Variants in NPEPPS observed in about 807,000 individuals in gnomAD.
NPEPPS encodes the protein puromycin-sensitive aminopeptidase.
NPEPPS carries 14 observed loss-of-function variants against 115.5 expected under a neutral mutation model. The observed-to-expected ratio is 0.12, with a 90% confidence interval of 0.08 to 0.19. The LOEUF is 0.19. Among genes scored for constraint, NPEPPS ranks in the 10% least tolerant of loss-of-function variants. The pLI is 1.00. For synonymous variants in NPEPPS, 285 were observed against 390.6 expected (o/e 0.73, Z 3.19); for missense variants, 523 against 1,110.8 (o/e 0.47, Z 7.52).
At chr17:47,548,043 A>G (rs1325614922) in intron 2 of NPEPPS, 9 of 152,082 alleles carry the variant, frequency 5.9e-5, no homozygotes, top group Non-Finnish European at 1.3e-4. Flanking sequence ...TAAATAAATA[A>G]ATAAAATAAA....
At chr17:47,593,210 G>A (rs4060739) in intron 12 of NPEPPS, among the ~76,000 whole-genome samples, 3 of 152,304 alleles carry the variant, frequency 2.0e-5, no homozygotes, top group African/African-American at 2.4e-5. Context: ...ATCAGGACTC[G>A]TTATCCCTTT....
At chr17:47,616,087 T>C (rs1914181887) in intron 19 of NPEPPS, among the ~76,000 whole-genome samples, 1 of 152,182 alleles carries the variant, frequency 6.6e-6, no homozygotes, top group Non-Finnish European at 1.5e-5. Flanking sequence ...ACCTTGAATA[T>C]TGGAGCTGAA....
At chr17:47,601,975 A>C in intron 15 of NPEPPS, 1 of 408,622 alleles carries the variant, frequency 2.4e-6, no homozygotes, top group Non-Finnish European at 4.3e-6. Context: ...GAGGAGAAGA[A>C]AAAAAAAAAA....
chr17:47,559,187 A>G (rs1183188521), intron 2 of NPEPPS, among the ~76,000 whole-genome samples: 1 of 152,064 alleles, frequency 6.6e-6, no homozygotes, highest in East Asian at 1.9e-4. Flanking sequence ...GGAACTACAG[A>G]TATACGCTAC....
chr17:47,535,227 A>G (rs1908126779), intron 1 of NPEPPS, among the ~76,000 whole-genome samples: 1 of 103,830 alleles, frequency 9.6e-6, no homozygotes, highest in African/African-American at 4.0e-5. Context: ...TGGGCAACAG[A>G]GCAAGACTCT....
At chr17:47,544,011 C>T (rs1477436322) in intron 1 of NPEPPS, among the ~76,000 whole-genome samples, 1 of 152,204 alleles carries the variant, frequency 6.6e-6, no homozygotes, top group Non-Finnish European at 1.5e-5. Flanking sequence ...TCTCCTGCCT[C>T]AGCCTCCCGA....
chr17:47,569,794 T>C (rs1911087101), intron 3 of NPEPPS, among the ~76,000 whole-genome samples: 1 of 152,084 alleles, frequency 6.6e-6, no homozygotes, highest in East Asian at 1.9e-4. Flanking sequence ...TTTTTTTGTA[T>C]TTTTAGTAGA....
At chr17:47,561,416 C>T (rs1910421302) in intron 2 of NPEPPS, among the ~76,000 whole-genome samples, 3 of 151,154 alleles carry the variant, frequency 2.0e-5, no homozygotes, top group Admixed American at 2.0e-4. Context: ...TGGTTTTCGT[C>T]CACAGTTTCT....
At chr17:47,541,446 G>A (rs11870585) in intron 1 of NPEPPS, among the ~76,000 whole-genome samples, 60,325 of 151,072 alleles carry the variant, frequency 0.4, 12,907 homozygotes, top group East Asian at 0.55. Flanking sequence ...GCGCGATTTC[G>A]GCTCACTGCA....
chr17:47,609,391 A>G (rs1913708943), intron 17 of NPEPPS, among the ~76,000 whole-genome samples: 2 of 152,216 alleles, frequency 1.3e-5, no homozygotes, highest in African/African-American at 2.4e-5. Context: ...TATCTTTACA[A>G]TATAGGGAGA....
chr17:47,621,180 CAA>C lies in NPEPPS; in HGVS notation c.2608-569_2608-568del, dbSNP rs5820662. 7.2e-3 allele frequency among the ~76,000 whole-genome samples: 614 copies of C among 84,736 alleles called. 2 individuals are homozygous for C. The highest frequency in any genetic ancestry group is 0.036 in the South Asian group (90 of 2,510). 55.6% of individuals were successfully genotyped at this position (84,736 alleles called of 152,430 possible). ...TGGGCAACAGAGTGAGACCCTGTCT[CAA>C]AAAAAAAAAAAAAAAAAAGACCATG... On this transcript the variant is annotated intron_variant, in intron 22 of 22. Transcript: ENST00000322157.
At chr17:47,601,505 T>C in intron 14 of NPEPPS, 103 bp from the exon 15 acceptor site, 2 of 1,231,586 alleles carry the variant, frequency 1.6e-6, no homozygotes, top group Non-Finnish European at 2.3e-6. Context: ...ACTATTGACT[T>C]AACAGTTTGG....
chr17:47,595,580 C>T (rs1912811556), intron 12 of NPEPPS, among the ~76,000 whole-genome samples: 1 of 152,180 alleles, frequency 6.6e-6, no homozygotes, highest in Non-Finnish European at 1.5e-5. Flanking sequence ...TTATGACTCA[C>T]ACCTGTAATT....
At chr17:47,573,305 G>C (rs1911311283) in intron 3 of NPEPPS, among the ~76,000 whole-genome samples, 1 of 152,068 alleles carries the variant, frequency 6.6e-6, no homozygotes, top group African/African-American at 2.4e-5. Flanking sequence ...TAAAATTTAG[G>C]AATCAGAATA....
intron 16 of NPEPPS, 109 bp downstream of exon 16, chr17:47,604,158 T>A: frequency 1.0e-6 from 1 of 976,818 alleles, no homozygotes; most frequent in Non-Finnish European, 1.5e-6. Context: ...TCATGATGGT[T>A]AAAAACACCT....
At chr17:47,556,372 C>A (rs1267243837) in intron 2 of NPEPPS, among the ~76,000 whole-genome samples, 1 of 152,054 alleles carries the variant, frequency 6.6e-6, no homozygotes, top group Non-Finnish European at 1.5e-5. Flanking sequence ...GGACACAGCA[C>A]ATGTTTCAGA....
At chr17:47,599,769 T>TTGA in intron 14 of NPEPPS, 30 bp downstream of exon 14, 1 of 1,516,664 alleles carries the variant, frequency 6.6e-7, no homozygotes, top group Non-Finnish European at 9.0e-7. Flanking sequence ...TGAGATATGA[T>TTGA]TGATGAATTT....
At chr17:47,537,701 T>TA (rs772361436) in intron 1 of NPEPPS, among the ~76,000 whole-genome samples, 2,042 of 140,228 alleles carry the variant, frequency 0.015, 32 homozygotes, top group African/African-American at 0.044. Flanking sequence ...ACCCTGTCTT[T>TA]AAAAAAAAAA....
intron 21 of NPEPPS, 22 bp from the exon 22 acceptor site, chr17:47,619,715 G>A (rs1360657195): frequency 6.2e-7 from 1 of 1,609,520 alleles, no homozygotes; most frequent in Admixed American, 1.7e-5. Flanking sequence ...TTCACTTACT[G>A]TTTAAAACCA....
Sources: gnomAD v4.1 joint callset for allele counts (sites outside exome capture counted in the v4.1 genomes callset) on GRCh38, gnomAD v4.1.1 for gene constraint, MANE v1.5 for transcripts, NCBI Gene and HGNC (gene_info 2026-07-23, HGNC 2026-07-21) for gene names.